The following CLEC4F variants were observed in gnomAD, a reference collection of about 807,000 sequenced individuals.
The protein encoded by CLEC4F is C-type lectin domain family 4 member F.
In CLEC4F, 45 loss-of-function variants were observed where a neutral mutation model predicts 53.4. The ratio of observed to expected loss-of-function variants is 0.84; its 90% CI spans 0.66 to 1.08. CLEC4F has a LOEUF of 1.08. CLEC4F is among the 50% of genes least tolerant of loss of function. The pLI is 0.00. For synonymous variants in CLEC4F, 245 were observed against 257.5 expected, an observed-to-expected ratio of 0.95 and a Z score of 0.46; for missense variants, 753 against 698.2, an observed-to-expected ratio of 1.08 and a Z score of -0.88.
chr2:70,819,990 G>T, intron 1 of CLEC4F, 99 bp from the exon 2 acceptor site: 2 of 785,070 alleles, frequency 2.5e-6, no homozygotes, highest in South Asian at 2.2e-5. Flanking sequence ...CTGTTTCCTG[G>T]GTTGTCTAAT....
At chr2:70,809,533 C>T (rs1375398579) in intron 6 of CLEC4F, 151 bp from the exon 7 acceptor site, 38 of 878,842 alleles carry the variant, frequency 4.3e-5, no homozygotes, top group Non-Finnish European at 5.6e-5. Context: ...ACATCACACA[C>T]ATACCACACA....
At chr2:70,819,513 A>C in intron 2 of CLEC4F, 69 bp from the exon 3 acceptor site, 1 of 1,412,580 alleles carries the variant, frequency 7.1e-7, no homozygotes, top group Non-Finnish European at 1.0e-6. Flanking sequence ...GCTGTCCCAC[A>C]CAGAGGTAGA....
At chr2:70,817,892 T>A (rs565543517) in intron 3 of CLEC4F, among the ~76,000 whole-genome samples, 1 of 152,198 alleles carries the variant, frequency 6.6e-6, no homozygotes. Context: ...GGCCTTGCGC[T>A]GGGGTCGTTG....
At position 70,809,223 on chromosome 2, in the gene CLEC4F, A is replaced by G; in HGVS notation, c.*48T>C. 6 of 1,600,226 alleles carry G rather than the reference A, an allele frequency of 3.7e-6. No homozygotes were observed. The highest frequency in any genetic ancestry group is 5.1e-6 in the Non-Finnish European group (6 of 1,173,522). On this transcript the variant is annotated 3_prime_UTR_variant, in exon 7 of 7. Coordinates refer to ENST00000272367, the MANE Select transcript of CLEC4F (RefSeq NM_173535.3). ...CCCCTAGTGGCCCTAGGATGAGGAC[A>G]GGGCTGGGAGAAGGAGTACCCTGAG...
In CLEC4F at chr2:70,817,471, T is replaced by G. The variant is rs535930559; in HGVS notation, c.269-359A>C. Among the ~76,000 whole-genome samples the G allele has an allele frequency of 2.2e-4, 34 of 152,332 alleles. No homozygotes were observed. In the South Asian group the frequency reaches 6.2e-3, roughly 28 times the overall value. On this transcript the variant is annotated intron_variant, in intron 3 of 6. Coordinates refer to ENST00000272367, the MANE Select transcript of CLEC4F (RefSeq NM_173535.3). ...AGTAACTGATTTTATCATTTAGAGCTGTTGAAGTTTAATTTTACTGGAATT... is the reference window on the plus strand; with the variant it reads ...AGTAACTGATTTTATCATTTAGAGCGGTTGAAGTTTAATTTTACTGGAATT...
intron 2 of CLEC4F, 22 bp from the exon 3 acceptor site, chr2:70,819,466 G>C: frequency 6.2e-7 from 1 of 1,608,858 alleles, no homozygotes; most frequent in Non-Finnish European, 8.5e-7. Flanking sequence ...CATTTTTCCA[G>C]GTCAGCAAAT....
chr2:70,824,295 T>C (rs1466820408), upstream of CLEC4F, among the ~76,000 whole-genome samples: 3 of 71,122 alleles, frequency 4.2e-5, no homozygotes, highest in Admixed American at 4.2e-4. Context: ...CCACCTGGCT[T>C]TTATTCCGTT....
intron 5 of CLEC4F, 59 bp from the exon 6 acceptor site, chr2:70,809,916 C>G: frequency 1.8e-6 from 2 of 1,098,890 alleles, no homozygotes; most frequent in Non-Finnish European, 2.8e-6. Context: ...TTTTCCAGGC[C>G]ACCTGGAGAA....
Position 70,819,365 on chromosome 2 carries a change from A to G in CLEC4F, c.258T>C (p.Phe86=). Residue 86 remains phenylalanine, a synonymous_variant, in exon 3 of 7, where the codon TTT becomes TTC. Coordinates refer to ENST00000272367, the MANE Select transcript of CLEC4F (RefSeq NM_173535.3). ...ACTGTGGCTACTCACTGTTGGGTTC[A>G]AAAGGTAAATGCCCAGTAATGTTGT... ...LGDNITGHLP[F]EPNNHHHFGR... The G allele has an allele frequency of 6.2e-7, 1 of 1,613,972 alleles. No individual in the cohort carries two copies. Among genetic ancestry groups the G allele is most frequent in the Non-Finnish European group, 8.5e-7 (1 of 1,179,874 alleles).
At chr2:70,822,643 GTTC>G (rs1553398266), upstream of CLEC4F, among the ~76,000 whole-genome samples, 2 of 152,186 alleles carry the variant, frequency 1.3e-5, no homozygotes, top group Non-Finnish European at 2.9e-5. Context: ...GCAGATTCCT[GTTC>G]TTTGGTTCCT....
In CLEC4F at chr2:70,816,005, T is replaced by A; in HGVS notation, c.1376A>T (p.Gln459Leu). The change falls in exon 4 of 7, where the codon CAA (glutamine) becomes CTA (leucine). Residue 459 changes from glutamine (Q) to leucine (L), a missense_variant. Gln to Leu is a moderately radical substitution (Grantham distance 113). Transcript: ENST00000272367. ...HVVITSQEQL[Q>L]RTQSQLLQMV... ...CCTCTCCCACTTACTTTGGGTTCTT[T>A]GTAGCTGTTCCTGTGAAGTAATGAC... is the stretch of plus-strand genomic sequence containing the variant. The A allele has an allele frequency of 1.2e-6, 2 of 1,612,772 alleles. No individual in the cohort carries two copies. Among genetic ancestry groups the A allele is most frequent in the South Asian group, 1.1e-5 (1 of 90,884 alleles).
chr2:70,819,472 C>T lies in CLEC4F; in HGVS notation c.179-28G>A, dbSNP rs1553397300. The T allele has an allele frequency of 2.5e-6, 4 of 1,599,770 alleles. No individual in the cohort carries two copies. In the African/African-American group the frequency reaches 4.0e-5, roughly 16 times the overall value. ...GAGACATTCCATTTTTCCAGGTCAG[C>T]AAATCCCCAGCCCTGAGCCTGGGAG... is the stretch of plus-strand genomic sequence containing the variant. On this transcript the variant is annotated intron_variant, in intron 2 of 6. Transcript: ENST00000272367.
chr2:70,824,637 A>AAAAAAACAAAC (rs1677305254), upstream of CLEC4F, among the ~76,000 whole-genome samples: 1 of 149,970 alleles, frequency 6.7e-6, no homozygotes, highest in East Asian at 1.9e-4. Context: ...AAAAAAAAAA[A>AAAAAAACAAAC]AAAAAAAAAC....
rs1676974163 is a variant in CLEC4F at position 70,817,216 on chromosome 2, C to CT, written c.269-105dup. 16 of 1,220,862 alleles carry CT rather than the reference C, an allele frequency of 1.3e-5. No homozygotes were observed. In the South Asian group the frequency reaches 2.5e-4, roughly 19 times the overall value. 75.6% of individuals were successfully genotyped at this position (1,220,862 alleles called of 1,614,324 possible). The stretch of plus-strand genomic sequence containing the variant: ...CTAACATTTCCAAGGGAAATGGGTA[C>CT]TGCACAGCCCTCAGTGCTCCCCCAA... On this transcript the variant is annotated intron_variant, in intron 3 of 6. Coordinates refer to ENST00000272367, the MANE Select transcript of CLEC4F (RefSeq NM_173535.3).
chr2:70,819,289 T>A, intron 3 of CLEC4F, 66 bp downstream of exon 3: 1 of 1,211,538 alleles, frequency 8.3e-7, no homozygotes, highest in Non-Finnish European at 1.2e-6. Context: ...GAGAAGCTCA[T>A]CCTAGGGTCT....
At chr2:70,818,706 G>A (rs928047150) in intron 3 of CLEC4F, among the ~76,000 whole-genome samples, 8 of 151,734 alleles carry the variant, frequency 5.3e-5, no homozygotes, top group South Asian at 2.1e-4. Flanking sequence ...GCGAGACTCC[G>A]TCAAAAAACA....
intron 3 of CLEC4F, among the ~76,000 whole-genome samples, chr2:70,817,630 A>T (rs548936890): frequency 6.6e-6 from 1 of 152,340 alleles, no homozygotes; most frequent in South Asian, 2.1e-4. Context: ...CACCACAAAC[A>T]TAAGTTTTAT....
At chr2:70,813,181 C>G (rs1425374193) in intron 4 of CLEC4F, among the ~76,000 whole-genome samples, 1 of 152,184 alleles carries the variant, frequency 6.6e-6, no homozygotes, top group Non-Finnish European at 1.5e-5. Flanking sequence ...GAAATGGTGC[C>G]GCACAAGCTC....
intron 3 of CLEC4F, 96 bp downstream of exon 3, chr2:70,819,259 G>A: frequency 2.2e-6 from 2 of 917,226 alleles, no homozygotes; most frequent in Non-Finnish European, 3.6e-6. Context: ...AGCCCATTCA[G>A]TGGTCAGAGG....
Sources: allele counts gnomAD v4.1 joint callset (sites outside exome capture counted in the v4.1 genomes callset), GRCh38; gene constraint gnomAD v4.1.1; transcripts MANE v1.5; gene names NCBI Gene and HGNC (gene_info 2026-07-23, HGNC 2026-07-21).